The following LSR variants were observed in gnomAD, a reference collection of about 807,000 sequenced individuals.
LSR encodes lipolysis stimulated lipoprotein receptor, also known as lipolysis-stimulated lipoprotein receptor.
LSR carries 44 observed loss-of-function variants against 61.8 expected under a neutral mutation model. The observed-to-expected ratio is 0.71, with a 90% CI of 0.56 to 0.91. LSR has a LOEUF of 0.91. LSR is among the 40% of genes least tolerant of loss of function. The probability of loss-of-function intolerance (pLI) is 0.00; values close to 1 mark genes in which losing one functional copy is unlikely to be tolerated. For synonymous variants in LSR, 397 were observed against 350.6 expected (o/e 1.13, Z -1.48); for missense variants, 911 against 830.5 (o/e 1.10, Z -1.19).
chr19:35,265,019 A>C (rs1005709209), intron 5 of LSR, among the ~76,000 whole-genome samples: 2 of 152,056 alleles, frequency 1.3e-5, no homozygotes, highest in African/African-American at 4.8e-5. Context: ...GGTTGTTGTT[A>C]GCATTAAGGA....
chr19:35,267,826 C>A lies in LSR; in HGVS notation c.1773C>A (p.Asn591Lys), dbSNP rs764264320. The part of the protein sequence containing the change: ...QASRERRLKK[N>K]LALSRESLVV ...CCTTCTTTCTTTCTCCCTTGCAGAA[C>A]TTGGCCCTGAGTCGGGAAAGTTTAG... The change falls in exon 10 of 10, where the codon AAC (asparagine) becomes AAA (lysine). Residue 591 changes from asparagine to lysine, a missense_variant and splice_region_variant. Transcript: ENST00000605618. 1 of 1,613,974 alleles carries A rather than the reference C, an allele frequency of 6.2e-7. No individual in the cohort carries two copies. The highest frequency in any genetic ancestry group is 8.5e-7 in the Non-Finnish European group (1 of 1,179,968).
At chr19:35,264,319 T>G (rs944222521) in intron 5 of LSR, 1 of 152,104 alleles carries the variant, frequency 6.6e-6, no homozygotes, top group Admixed American at 6.6e-5. Context: ...GAGAGGGACC[T>G]AACTCTATGA....
At chr19:35,251,333 G>T (rs1265936476) in intron 2 of LSR, 1 of 152,096 alleles carries the variant, frequency 6.6e-6, no homozygotes, top group Non-Finnish European at 1.5e-5. Context: ...AAGAGGCCAG[G>T]GTTTGTTCTA....
At position 35,267,616 on chromosome 19, in the gene LSR, G is replaced by C. The variant is rs752500945; in HGVS notation, c.1652G>C (p.Gly551Ala). The change falls in exon 9 of 10, where the codon GGG becomes GCG. Residue 551 changes from glycine (G) to alanine (A), a missense_variant. Coordinates refer to ENST00000605618, the MANE Select transcript of LSR (RefSeq NM_205834.4). ...RLLEEAVRKK[G>A]SEERRRPHKE... ...CTGGAGGAGGCTGTGAGGAAGAAGG[G>C]GTCGGAGGAGAGGAGGAGACCCCAC... 5.6e-6 allele frequency: 9 copies of C among 1,612,402 alleles called. No individual in the cohort carries two copies. Among genetic ancestry groups the C allele is most frequent in the Admixed American group, 1.7e-5 (1 of 59,926 alleles).
Position 35,267,267 on chromosome 19 carries a change from G to A in LSR, c.1303G>A (p.Gly435Ser). 1 of 1,521,508 alleles carries A rather than the reference G, an allele frequency of 6.6e-7. No homozygotes were observed. The highest frequency in any genetic ancestry group is 8.8e-7 in the Non-Finnish European group (1 of 1,134,906). 94.3% of individuals were successfully genotyped at this position (1,521,508 alleles called of 1,614,324 possible). ...QEPAREQAGG[G>S]WRARRPRARS... is the part of the protein sequence containing the mutation. ...GCCCGCCAGGGAGCAGGCAGGCGGGGGCTGGCGGGCCAGGCGGCCCCGGGC... is the reference window on the plus strand; with the variant it reads ...GCCCGCCAGGGAGCAGGCAGGCGGGAGCTGGCGGGCCAGGCGGCCCCGGGC... The change falls in exon 9 of 10, where the codon GGC (glycine) becomes AGC (serine). Residue 435 changes from glycine to serine, a missense_variant. Gly to Ser is a moderately conservative substitution (Grantham distance 56). Coordinates refer to ENST00000605618, the MANE Select transcript of LSR (RefSeq NM_205834.4).
intron 2 of LSR, among the ~76,000 whole-genome samples, chr19:35,252,238 A>T (rs2065803257): frequency 6.6e-6 from 1 of 152,124 alleles, no homozygotes; most frequent in African/African-American, 2.4e-5. Flanking sequence ...AGCATCGACT[A>T]TGTGTCGTTG....
At chr19:35,264,307 G>C (rs2065968639) in intron 5 of LSR, 1 of 152,168 alleles carries the variant, frequency 6.6e-6, no homozygotes, top group Non-Finnish European at 1.5e-5. Flanking sequence ...AGAAGACAGA[G>C]AGAGAGGGAC....
chr19:35,262,342 T>C (rs982914731), intron 4 of LSR, among the ~76,000 whole-genome samples: 9 of 152,080 alleles, frequency 5.9e-5, no homozygotes, highest in Non-Finnish European at 1.3e-4. Flanking sequence ...GGGCCGTAAC[T>C]GGGGAATGGC....
chr19:35,249,357 A>C, intron 1 of LSR: 1 of 537,290 alleles, frequency 1.9e-6, no homozygotes, highest in Non-Finnish European at 3.2e-6. Context: ...AGGAAGTGAA[A>C]CTCCCTGGAC....
intron 2 of LSR, chr19:35,253,774 C>A (rs565018338): frequency 6.6e-6 from 1 of 152,404 alleles, no homozygotes; most frequent in African/African-American, 2.4e-5. Flanking sequence ...AGGGATTGTG[C>A]CTGCCTGGAC....
Position 35,267,327 on chromosome 19 carries a change from C to T in LSR, c.1363C>T (p.Pro455Ser). Residue 455 changes from proline (P) to serine (S), a missense_variant, in exon 9 of 10, where the codon CCG becomes TCG. Pro to Ser is a moderately conservative substitution (Grantham distance 74). Transcript: ENST00000605618. ...GGACGCCCTGGACGACCTCACCCCG[C>T]CGAGCACCGCCGAGTCAGGGAGCAG... ...SVDALDDLTP[P>S]STAESGSRSP... The T allele has an allele frequency of 1.3e-6, 2 of 1,564,100 alleles. No homozygotes were observed. The highest frequency in any genetic ancestry group is 1.7e-6 in the Non-Finnish European group (2 of 1,155,364).
chr19:35,265,064 T>G (rs982786787), intron 5 of LSR, among the ~76,000 whole-genome samples: 4 of 152,186 alleles, frequency 2.6e-5, no homozygotes, highest in African/African-American at 9.7e-5. Flanking sequence ...TTGAAGTCAG[T>G]GGTGTGCAAC....
chr19:35,262,868 C>T, intron 5 of LSR, 176 bp downstream of exon 5: 1 of 646,376 alleles, frequency 1.5e-6, no homozygotes, highest in Non-Finnish European at 2.6e-6. Flanking sequence ...TTACTTCCTC[C>T]AACTTTTAGT....
rs1048547972 is a variant in LSR at position 35,259,004 on chromosome 19, G to A, written c.514G>A (p.Val172Met). Residue 172 changes from valine (V) to methionine (M), a missense_variant, in exon 3 of 10, where the codon GTG becomes ATG. Coordinates refer to ENST00000605618, the MANE Select transcript of LSR (RefSeq NM_205834.4). ...GGACAGTGGTGTGTATTACTGCTCC[G>A]TGGTCTCAGCCCAGGACCTCCAGGG... ...WGDSGVYYCSVVSAQDLQGNN... is the reference protein window; with the variant it reads ...WGDSGVYYCSMVSAQDLQGNN... 2.5e-6 allele frequency: 4 copies of A among 1,614,026 alleles called. No individual in the cohort carries two copies. Among genetic ancestry groups the A allele is most frequent in the Middle Eastern group, 1.6e-4 (1 of 6,062 alleles).
At position 35,250,525 on chromosome 19, in the gene LSR, C is replaced by T; in HGVS notation, c.320C>T (p.Ala107Val). The T allele has an allele frequency of 6.2e-7, 1 of 1,614,152 alleles. No individual in the cohort carries two copies. The highest frequency in any genetic ancestry group is 8.5e-7 in the Non-Finnish European group (1 of 1,180,030). Reference protein sequence around the residue: ...VDNQLNAQLAAGNPGYNPYVE... With the variant: ...VDNQLNAQLAVGNPGYNPYVE... ...AACCAGCTCAATGCCCAGCTGGCAG[C>T]CGGGAACCCAGGCTACAACCCCTAC... The change falls in exon 2 of 10, where the codon GCC becomes GTC. Residue 107 changes from alanine (A) to valine (V), a missense_variant. Physicochemically the swap from Ala to Val is moderately conservative, Grantham distance 64. Transcript: ENST00000605618.
intron 2 of LSR, chr19:35,253,329 A>G (rs2065818909): frequency 6.6e-6 from 1 of 152,186 alleles, no homozygotes; most frequent in Non-Finnish European, 1.5e-5. Context: ...AAAAAAAAAG[A>G]AAAAAGAAAA....
Position 35,249,005 on chromosome 19 carries a change from C to T in LSR, c.-18C>T, listed in dbSNP as rs373881394. 5.1e-5 allele frequency: 82 copies of T among 1,609,780 alleles called. No homozygotes were observed. Among genetic ancestry groups the T allele is most frequent in the Admixed American group, 1.3e-4 (8 of 59,372 alleles). ...CTTTGGAAGGGACGCGCGGGCCAGACGCGCCCAGACGGCCGCGATGGCGCT... is the reference window on the plus strand; with the variant it reads ...CTTTGGAAGGGACGCGCGGGCCAGATGCGCCCAGACGGCCGCGATGGCGCT... On this transcript the variant is annotated 5_prime_UTR_variant, in exon 1 of 10. In the 5' UTR this introduces an upstream ATG that the reference lacks. Transcript: ENST00000605618.
Position 35,267,335 on chromosome 19 carries a change from C to A in LSR, c.1371C>A (p.Thr457=). 1 of 1,570,688 alleles carries A rather than the reference C, an allele frequency of 6.4e-7. No homozygotes were observed. The highest frequency in any genetic ancestry group is 8.6e-7 in the Non-Finnish European group (1 of 1,158,556). The part of the protein sequence containing the change: ...DALDDLTPPS[T]AESGSRSPTS... ...TGGACGACCTCACCCCGCCGAGCAC[C>A]GCCGAGTCAGGGAGCAGGTCTCCCA... Residue 457 remains threonine (T), a synonymous_variant, in exon 9 of 10, where the codon ACC becomes ACA. Transcript: ENST00000605618.
intron 4 of LSR, 131 bp downstream of exon 4, chr19:35,262,112 CTG>C (rs963649148): frequency 8.1e-6 from 7 of 866,792 alleles, no homozygotes; most frequent in African/African-American, 1.8e-5. Flanking sequence ...CCTGGCCTGA[CTG>C]TGGCTCTGAG....
Sources: allele counts gnomAD v4.1 joint callset (sites outside exome capture counted in the v4.1 genomes callset), GRCh38; gene constraint gnomAD v4.1.1; transcripts MANE v1.5; gene names NCBI Gene and HGNC (gene_info 2026-07-23, HGNC 2026-07-21).